DLG2: variants seen among roughly 807,000 people sequenced by gnomAD.
DLG2 encodes the protein discs large MAGUK scaffold protein 2, also known as disks large homolog 2.
In DLG2, 45 loss-of-function variants were observed where a neutral mutation model predicts 132.5. The observed-to-expected ratio is 0.34, with a 90% CI of 0.27 to 0.44. The LOEUF is 0.44. DLG2 is among the 20% of genes least tolerant of loss of function. The pLI is 1.00. For synonymous variants in DLG2, 424 were observed against 419.6 expected, an observed-to-expected ratio of 1.01 and a Z score of -0.13; for missense variants, 1,045 against 1,196.9, an observed-to-expected ratio of 0.87 and a Z score of 1.87.
intron 3 of DLG2, among the ~76,000 whole-genome samples, chr11:85,289,712 T>C (rs1214002067): frequency 6.6e-6 from 1 of 152,180 alleles, no homozygotes; most frequent in Non-Finnish European, 1.5e-5. Context: ...TCTTCCTATA[T>C]TTAACGATGT....
At chr11:84,941,740 G>T (rs1198403558) in intron 6 of DLG2, among the ~76,000 whole-genome samples, 2 of 150,930 alleles carry the variant, frequency 1.3e-5, no homozygotes, top group African/African-American at 4.9e-5. Context: ...TTGACATAAG[G>T]ATAATACTGG....
At chr11:83,860,280 A>G (rs775738484) in intron 16 of DLG2, among the ~76,000 whole-genome samples, 3 of 152,066 alleles carry the variant, frequency 2.0e-5, no homozygotes, top group Non-Finnish European at 2.9e-5. Flanking sequence ...AACCGCAGAC[A>G]CTCAATACCA....
Position 85,285,109 on chromosome 11 carries a change from T to G in DLG2, c.186+111A>C, listed in dbSNP as rs370543807. ...GCATACAGTATGGTATAACTACATTTCTATTATTGTTGTTGCCATTTGTTG... is the reference window on the plus strand; with the variant it reads ...GCATACAGTATGGTATAACTACATTGCTATTATTGTTGTTGCCATTTGTTG... On this transcript the variant is annotated intron_variant, in intron 4 of 27. Transcript: ENST00000376104. 4.2e-6 allele frequency: 4 copies of G among 960,764 alleles called. No individual in the cohort carries two copies. In the African/African-American group the frequency reaches 4.9e-5, roughly 12 times the overall value. 59.5% of individuals were successfully genotyped at this position (960,764 alleles called of 1,614,324 possible). A position where few individuals can be genotyped will look rare whatever the true frequency, so the allele number is the denominator to read the frequency against.
chr11:84,133,243 A>G (rs913081760), intron 9 of DLG2, among the ~76,000 whole-genome samples: 1 of 152,172 alleles, frequency 6.6e-6, no homozygotes, highest in African/African-American at 2.4e-5. Context: ...CCAAAGTCTA[A>G]TATCTTCAAC....
intron 3 of DLG2, among the ~76,000 whole-genome samples, chr11:85,433,685 A>T (rs1273629765): frequency 6.6e-6 from 1 of 152,262 alleles, no homozygotes; most frequent in Non-Finnish European, 1.5e-5. Flanking sequence ...TTACAGACCT[A>T]CAAAGAGACT....
chr11:85,544,147 T>A (rs1199997241), intron 3 of DLG2, among the ~76,000 whole-genome samples: 1 of 152,148 alleles, frequency 6.6e-6, no homozygotes, highest in African/African-American at 2.4e-5. Context: ...GTCTTGAATC[T>A]GTCTTGAGTT....
At chr11:83,515,779 G>T (rs549134552) in intron 21 of DLG2, among the ~76,000 whole-genome samples, 1 of 152,152 alleles carries the variant, frequency 6.6e-6, no homozygotes, top group African/African-American at 2.4e-5. Context: ...ATTTCGTTAT[G>T]TACCTAGTAG....
intron 6 of DLG2, among the ~76,000 whole-genome samples, chr11:84,737,035 C>T (rs577495869): frequency 3.3e-5 from 5 of 151,116 alleles, no homozygotes; most frequent in African/African-American, 1.2e-4. Context: ...AAGAAATTCC[C>T]TTCTATTTAT....
chr11:84,774,821 C>G (rs1011215906), intron 6 of DLG2, among the ~76,000 whole-genome samples: 1 of 152,112 alleles, frequency 6.6e-6, no homozygotes, highest in South Asian at 2.1e-4. Flanking sequence ...AGACCTTAAA[C>G]TCTAAGAATC....
rs1374718216 is a variant in DLG2 at position 83,980,559 on chromosome 11, C to G, written c.1003G>C (p.Gly335Arg). ...CTTCCATCTTTTTGTGCAGCTCCTC[C>G]ATCTATAATTTTAGTTACATAAATG... ...NSIYVTKIIDGGAAQKDGRLQ... is the reference protein window; with the variant it reads ...NSIYVTKIIDRGAAQKDGRLQ... The change falls in exon 12 of 28, where the codon GGA (glycine) becomes CGA (arginine). Residue 335 changes from glycine to arginine, a missense_variant. Physicochemically the swap from Gly to Arg is moderately radical, Grantham distance 125 (BLOSUM62 -2). Around this residue, in one of 4 missense-constraint regions of DLG2, gnomAD observed 261 missense variants for 256.1 expected, o/e 1.02. Coordinates refer to ENST00000376104, the MANE Select transcript of DLG2 (RefSeq NM_001142699.3). 4 of 1,613,674 alleles carry G rather than the reference C, an allele frequency of 2.5e-6. No individual in the cohort carries two copies. Among genetic ancestry groups the G allele is most frequent in the African/African-American group, 2.7e-5 (2 of 74,880 alleles).
intron 7 of DLG2, among the ~76,000 whole-genome samples, chr11:84,496,760 CTCACGGT>C (rs1234076519): frequency 6.6e-6 from 1 of 151,788 alleles, no homozygotes; most frequent in Non-Finnish European, 1.5e-5. Context: ...ATTTTGTTTC[CTCACGGT>C]TCACGGTTCA....
chr11:85,001,035 C>G (rs1006911358), intron 6 of DLG2, among the ~76,000 whole-genome samples: 1 of 152,074 alleles, frequency 6.6e-6, no homozygotes, highest in African/African-American at 2.4e-5. Flanking sequence ...AATAATTACC[C>G]TTAATACAAG....
At chr11:83,501,202 CT>C (rs66954557) in intron 21 of DLG2, among the ~76,000 whole-genome samples, 1,774 of 137,556 alleles carry the variant, frequency 0.013, 26 homozygotes, top group African/African-American at 0.04. Context: ...TTTTTCTTTT[CT>C]TTTTTTTTTT....
At chr11:84,034,073 C>T (rs1471589538) in intron 11 of DLG2, among the ~76,000 whole-genome samples, 1 of 151,912 alleles carries the variant, frequency 6.6e-6, no homozygotes, top group African/African-American at 2.4e-5. Flanking sequence ...AAGAGCGAAA[C>T]TCGGTCTCAA....
intron 12 of DLG2, 98 bp downstream of exon 12, chr11:83,980,408 G>T: frequency 7.4e-7 from 1 of 1,345,158 alleles, no homozygotes; most frequent in Non-Finnish European, 1.0e-6. Flanking sequence ...CCACCCTGTG[G>T]TATTTTGTGA....
At chr11:83,536,619 G>C (rs137932880) in intron 20 of DLG2, among the ~76,000 whole-genome samples, 17 of 150,456 alleles carry the variant, frequency 1.1e-4, no homozygotes, top group African/African-American at 4.2e-4. Context: ...ATGGAAAACA[G>C]CTATTATTGG....
intron 14 of DLG2, among the ~76,000 whole-genome samples, chr11:83,942,356 A>C (rs1040027585): frequency 1.3e-5 from 2 of 152,174 alleles, no homozygotes; most frequent in East Asian, 3.8e-4. Flanking sequence ...ATATATATAC[A>C]GTTTGATTCA....
At chr11:83,515,326 T>C (rs1297353412) in intron 21 of DLG2, among the ~76,000 whole-genome samples, 1 of 152,204 alleles carries the variant, frequency 6.6e-6, no homozygotes, top group Non-Finnish European at 1.5e-5. Flanking sequence ...GAGGTGTTTA[T>C]AGTATTCTCT....
chr11:84,385,266 C>G (rs1177635064), intron 7 of DLG2, among the ~76,000 whole-genome samples: 1 of 152,022 alleles, frequency 6.6e-6, no homozygotes, highest in Admixed American at 6.6e-5. Context: ...AAGAGGCATA[C>G]TCTTGTCTTT....
Sources: allele counts gnomAD v4.1 joint callset (sites outside exome capture counted in the v4.1 genomes callset), GRCh38; gene constraint gnomAD v4.1.1; regional missense constraint gnomAD v4.1.1; transcripts MANE v1.5; gene names NCBI Gene and HGNC (gene_info 2026-07-23, HGNC 2026-07-21).